DHX16: variants seen among roughly 807,000 people sequenced by gnomAD.
DHX16 encodes the protein DEAH-box helicase 16.
DHX16 carries 81 observed loss-of-function variants against 131.2 expected under a neutral mutation model. The ratio of observed to expected loss-of-function variants is 0.62; its 90% CI spans 0.52 to 0.74. The LOEUF is 0.74. Among genes scored for constraint, DHX16 ranks in the 30% least tolerant of loss-of-function variants. The pLI is 0.00. For synonymous variants in DHX16, 440 were observed against 520.2 expected, an observed-to-expected ratio of 0.85 and a Z score of 2.10; for missense variants, 980 against 1,363.1, an observed-to-expected ratio of 0.72 and a Z score of 4.43.
intron 7 of DHX16, among the ~76,000 whole-genome samples, chr6:30,664,285 A>G (rs917387145): frequency 4.6e-5 from 7 of 151,998 alleles, no homozygotes; most frequent in Non-Finnish European, 8.8e-5. Context: ...GGAGTTCGAG[A>G]GCAGCCTGGC....
Position 30,662,941 on chromosome 6 carries a change from G to A in DHX16, c.1398C>T (p.Ala466=), listed in dbSNP as rs1768654547. 1.2e-6 allele frequency: 2 copies of A among 1,613,080 alleles called. No homozygotes were observed. The highest frequency in any genetic ancestry group is 3.3e-5 in the Admixed American group (2 of 59,984). ...VAAMSVAARV[A]REMGVKLGNE... is the part of the protein sequence containing the mutation. ...TCCCAAGCTTCACACCCATCTCCCG[G>A]GCCACTCGGGCGGCCACACTCATGG... The change falls in exon 8 of 20, where the codon GCC becomes GCT. Residue 466 remains alanine, a synonymous_variant. Coordinates refer to ENST00000376442, the MANE Select transcript of DHX16 (RefSeq NM_003587.5). The surrounding 1 kb of genome is among the most constrained non-coding windows in gnomAD (Gnocchi z 4.7).
rs57302671 is a variant in DHX16, at chr6:30,661,388, G to A, written c.1545-1146C>T. 7.8e-3 allele frequency among the ~76,000 whole-genome samples: 1,190 copies of A among 152,104 alleles called. 18 individuals are homozygous for A. The highest frequency in any genetic ancestry group is 0.044 in the East Asian group (226 of 5,166). Reference sequence around the variant, plus strand: ...GTGAGCCACCGCTCCCGGCTGATACGTTTTAAAGGAAAAAAAAAGTGGAAG... The same window carrying A: ...GTGAGCCACCGCTCCCGGCTGATACATTTTAAAGGAAAAAAAAAGTGGAAG... On this transcript the variant is annotated intron_variant, in intron 9 of 19. Transcript: ENST00000376442.
At position 30,659,550 on chromosome 6, in the gene DHX16, C is replaced by A; in HGVS notation, c.1929G>T (p.Leu643=). The change falls in exon 12 of 20, where the codon CTG becomes CTT. Residue 643 remains leucine, a synonymous_variant. Transcript: ENST00000376442. Reference sequence around the variant, plus strand: ...GCAGATTGGCATAAATGGGCAGCACCAGGAGCTCCCGGATTTTGGAGCCCA... The same window carrying A: ...GCAGATTGGCATAAATGGGCAGCACAAGGAGCTCCCGGATTTTGGAGCCCA... ...RRLGSKIREL[L]VLPIYANLPS... The A allele has an allele frequency of 6.2e-7, 1 of 1,612,344 alleles. No individual in the cohort carries two copies. Among genetic ancestry groups the A allele is most frequent in the East Asian group, 2.2e-5 (1 of 44,854 alleles).
chr6:30,653,391 A>G (rs1304866404), intron 19 of DHX16, 21 bp from the exon 20 acceptor site: 3 of 1,576,694 alleles, frequency 1.9e-6, no homozygotes, highest in East Asian at 2.2e-5. Flanking sequence ...GAAAAGATCA[A>G]TGGAGTTCCC....
chr6:30,667,723 C>T (rs1769179548), intron 4 of DHX16, among the ~76,000 whole-genome samples: 1 of 152,018 alleles, frequency 6.6e-6, no homozygotes, highest in Admixed American at 6.6e-5. Context: ...AGATACACAA[C>T]TGGATAGTAT....
Position 30,671,040 on chromosome 6 carries a change from TTTTC to T in DHX16, c.438_441del (p.Lys147GlnfsTer115). 6.2e-7 allele frequency: 1 copy of T among 1,613,028 alleles called. No individual in the cohort carries two copies. The highest frequency in any genetic ancestry group is 8.5e-7 in the Non-Finnish European group (1 of 1,179,990). On this transcript the variant is annotated frameshift_variant, in exon 2 of 20. Coordinates refer to ENST00000376442, the MANE Select transcript of DHX16 (RefSeq NM_003587.5). LOFTEE classifies it high-confidence loss of function. ...CTCACCCTGCTTCTGACTTACCCTGTTTTCTTCTTCCCTTTCTCAGAAGCCTCTT... is the reference window on the plus strand; with the variant it reads ...CTCACCCTGCTTCTGACTTACCCTGTTTCTTCCCTTTCTCAGAAGCCTCTT...
At chr6:30,661,444 C>G (rs1189782412) in intron 9 of DHX16, among the ~76,000 whole-genome samples, 1 of 152,136 alleles carries the variant, frequency 6.6e-6, no homozygotes, top group Admixed American at 6.5e-5. Context: ...GGTGGGCCAG[C>G]AAGGCTGACT....
Position 30,653,202 on chromosome 6 carries a change from G to A in DHX16, c.*40C>T. The stretch of plus-strand genomic sequence containing the variant: ...AATAGGTATTAAATAATGTATAGAA[G>A]GAAAAGGAGCTGGTGTCAGGTTCTG... On this transcript the variant is annotated 3_prime_UTR_variant, in exon 20 of 20. Coordinates refer to ENST00000376442, the MANE Select transcript of DHX16 (RefSeq NM_003587.5). 1.3e-6 allele frequency: 2 copies of A among 1,591,550 alleles called. No homozygotes were observed. Among genetic ancestry groups the A allele is most frequent in the Non-Finnish European group, 1.7e-6 (2 of 1,173,572 alleles).
intron 4 of DHX16, among the ~76,000 whole-genome samples, chr6:30,668,744 A>G (rs1276065596): frequency 2.0e-5 from 3 of 152,158 alleles, no homozygotes; most frequent in Non-Finnish European, 4.4e-5. Flanking sequence ...ACCACAGTCA[A>G]TTTCAGGAAG....
chr6:30,672,722 G>A lies in DHX16; in HGVS notation c.120C>T (p.Ala40=). 6.2e-7 allele frequency: 1 copy of A among 1,612,968 alleles called. No homozygotes were observed. Among genetic ancestry groups the A allele is most frequent in the Non-Finnish European group, 8.5e-7 (1 of 1,179,986 alleles). ...LIGTAQRCTS[A]EEFVQRLRDT... ...CTCGTAGGCGCTGCACGAACTCCTCGGCAGAGGTGCAGCGCTGTGCGGTAC... is the reference window on the plus strand; with the variant it reads ...CTCGTAGGCGCTGCACGAACTCCTCAGCAGAGGTGCAGCGCTGTGCGGTAC... Residue 40 remains alanine (A), a synonymous_variant, in exon 1 of 20, where the codon GCC becomes GCT. Coordinates refer to ENST00000376442, the MANE Select transcript of DHX16 (RefSeq NM_003587.5).
chr6:30,657,142 C>T (rs967696857), intron 12 of DHX16, 50 bp from the exon 13 acceptor site: 1 of 1,562,276 alleles, frequency 6.4e-7, no homozygotes, highest in African/African-American at 1.4e-5. Context: ...ACCTAGTTAC[C>T]CAGAAAAAGT....
Position 30,653,270 on chromosome 6 carries a change from A to G in DHX16, c.3098T>C (p.Ile1033Thr), listed in dbSNP as rs200009023. The G allele has an allele frequency of 2.8e-5, 45 of 1,612,634 alleles. No homozygotes were observed. Among genetic ancestry groups the G allele is most frequent in the Non-Finnish European group, 3.5e-5 (41 of 1,179,962 alleles). ...DPHAKKMPKK[I>T]GKTREELG ...CCCTAGCTCTTCTCGTGTTTTGCCT[A>G]TTTTTTTGGGCATTTTCTTAGCATG... Residue 1033 changes from isoleucine (I) to threonine (T), a missense_variant, in exon 20 of 20, where the codon ATA (isoleucine) becomes ACA (threonine). By Grantham distance (89) the Ile-to-Thr change is moderately conservative. This residue lies in a region of DHX16 where 214 missense variants were observed against 271.2 expected (regional missense o/e 0.79). Transcript: ENST00000376442.
chr6:30,654,973 C>T, intron 18 of DHX16, 94 bp from the exon 19 acceptor site: 1 of 1,451,860 alleles, frequency 6.9e-7, no homozygotes, highest in African/African-American at 1.4e-5. Flanking sequence ...TTCAGGAAAA[C>T]TAGAGAGGTA....
chr6:30,672,893 A>G lies in DHX16; in HGVS notation c.-52T>C. ...CCTGAAGCGTCGGGCAGCCGCGCTC[A>G]CTGCTGGGCCGGTCAGAGGCCTGGA... On this transcript the variant is annotated 5_prime_UTR_variant, in exon 1 of 20. Coordinates refer to ENST00000376442, the MANE Select transcript of DHX16 (RefSeq NM_003587.5). The G allele has an allele frequency of 6.2e-7, 1 of 1,604,192 alleles. No individual in the cohort carries two copies.
Position 30,660,094 on chromosome 6 carries a change from CAAA to C in DHX16, c.1690_1692del (p.Phe564del). On this transcript the variant is annotated inframe_deletion, in exon 10 of 20. Transcript: ENST00000376442. ...GGGATTCGAAACACAGGGGCGTCAT[CAAA>C]GAAGGTGGAAAAACGGGCAGTGTCC... The C allele has an allele frequency of 6.2e-7, 1 of 1,612,700 alleles. No homozygotes were observed. The highest frequency in any genetic ancestry group is 8.5e-7 in the Non-Finnish European group (1 of 1,179,846).
rs1767890862 is a variant in DHX16 at position 30,655,448 on chromosome 6, T to C, written c.2648A>G (p.Asn883Ser). 1 of 1,613,778 alleles carries C rather than the reference T, an allele frequency of 6.2e-7. No individual in the cohort carries two copies. Among genetic ancestry groups the C allele is most frequent in the East Asian group, 2.2e-5 (1 of 44,886 alleles). The change falls in exon 17 of 20, where the codon AAT (asparagine) becomes AGT (serine). Residue 883 changes from asparagine (N) to serine (S), a missense_variant. Asn to Ser is a conservative substitution (Grantham distance 46, BLOSUM62 1). Transcript: ENST00000376442. ...LPGGDHLVLL[N>S]VYTQWAESGY... ...AAGCCCAGTGACCTGTGTGTAAACA[T>C]TTAGCAGAACCAGGTGGTCACCGCC...
chr6:30,658,728 A>G (rs956413624), intron 12 of DHX16, among the ~76,000 whole-genome samples: 2 of 151,800 alleles, frequency 1.3e-5, no homozygotes, highest in Admixed American at 6.6e-5. Flanking sequence ...AAAAATAAAT[A>G]AAGTCCAAAC....
Position 30,656,188 on chromosome 6 carries a change from G to A in DHX16, c.2498+10C>T, listed in dbSNP as rs80338226. ...GTGTGCTGGGGGCCCAGGTGGAGGC[G>A]AGGGCTTACTTCTCAGAGGCTAAGA... is the stretch of plus-strand genomic sequence containing the variant. On this transcript the variant is annotated intron_variant, in intron 16 of 19. Transcript: ENST00000376442. This position sits in a 1 kb window ranked among gnomAD's most constrained non-coding sequence, Gnocchi z 5.1. 9.9e-6 allele frequency: 16 copies of A among 1,612,182 alleles called. No homozygotes were observed. The highest frequency in any genetic ancestry group is 3.3e-5 in the South Asian group (3 of 91,072).
At position 30,656,284 on chromosome 6, in the gene DHX16, G is replaced by A. The variant is rs769649779; in HGVS notation, c.2431-19C>T. On this transcript the variant is annotated intron_variant, in intron 15 of 19. Transcript: ENST00000376442. The surrounding 1 kb of genome is among the most constrained non-coding windows in gnomAD (Gnocchi z 5.1). ...GACCAGACTAAGGAGAAGAGAGAGA[G>A]AGTTGAGCCCAGTCCTCCCTCAGGT... 5 of 1,613,766 alleles carry A rather than the reference G, an allele frequency of 3.1e-6. No individual in the cohort carries two copies. In the African/African-American group the frequency reaches 6.7e-5, roughly 22 times the overall value.
Sources: allele counts gnomAD v4.1 joint callset (sites outside exome capture counted in the v4.1 genomes callset), GRCh38; gene constraint gnomAD v4.1.1; regional missense constraint gnomAD v4.1.1; non-coding constraint Gnocchi (gnomAD v3.1); transcripts MANE v1.5; gene names NCBI Gene and HGNC (gene_info 2026-07-23, HGNC 2026-07-21).